The following PEX11G variants were observed in gnomAD, a reference collection of about 807,000 sequenced individuals.
PEX11G encodes the protein peroxisomal biogenesis factor 11 gamma, also known as peroxisomal membrane protein 11C.
PEX11G carries 20 observed loss-of-function variants against 22.5 expected under a neutral mutation model. The ratio of observed to expected loss-of-function variants is 0.89; its 90% CI spans 0.62 to 1.29. PEX11G has a LOEUF of 1.29. Among genes scored for constraint, PEX11G ranks in the 50% most tolerant of loss-of-function variants. PEX11G has a pLI of 0.00. For synonymous variants in PEX11G, 141 were observed against 154.5 expected (o/e 0.91, Z 0.65); for missense variants, 347 against 331.3 (o/e 1.05, Z -0.37).
At position 7,477,239 on chromosome 19, in the gene PEX11G, G is replaced by C; in HGVS notation, c.689C>G (p.Ala230Gly). ...GGCCTCGGCCTGGCCGCCGGCCCGG[G>C]CCGCCTGGTACATGCTGAGGATTGA... ...ISSILSMYQAARAGGQAEATT... is the reference protein window; with the variant it reads ...ISSILSMYQAGRAGGQAEATT... Residue 230 changes from alanine to glycine, a missense_variant, in exon 5 of 5, where the codon GCC (alanine) becomes GGC (glycine). Physicochemically the swap from Ala to Gly is moderately conservative, Grantham distance 60 (BLOSUM62 0). Coordinates refer to ENST00000221480, the MANE Select transcript of PEX11G (RefSeq NM_080662.4). 5.2e-6 allele frequency: 8 copies of C among 1,548,210 alleles called. No individual in the cohort carries two copies. Among genetic ancestry groups the C allele is most frequent in the Non-Finnish European group, 6.9e-6 (8 of 1,151,722 alleles).
At chr19:7,486,361 A>T (rs2021657376) in intron 1 of PEX11G, among the ~76,000 whole-genome samples, 2 of 152,054 alleles carry the variant, frequency 1.3e-5, no homozygotes, top group Admixed American at 1.3e-4. Context: ...TCATAACCTC[A>T]GTGATCCACC....
At position 7,482,061 on chromosome 19, in the gene PEX11G, C is replaced by A. The variant is rs758056275; in HGVS notation, c.400G>T (p.Ala134Ser). 1.2e-6 allele frequency: 2 copies of A among 1,604,692 alleles called. No homozygotes were observed. Among genetic ancestry groups the A allele is most frequent in the South Asian group, 1.1e-5 (1 of 89,350 alleles). Reference sequence around the variant, plus strand: ...GCAACCCCCAGGAGCAGAGAGAGGGCCCACAGGGTTGTACTCAGCGTCCAC... The same window carrying A: ...GCAACCCCCAGGAGCAGAGAGAGGGACCACAGGGTTGTACTCAGCGTCCAC... ...RWWTLSTTLW[A>S]LSLLLGVARS... Residue 134 changes from alanine to serine, a missense_variant, in exon 3 of 5, where the codon GCC (alanine) becomes TCC (serine). Ala to Ser is a moderately conservative substitution (Grantham distance 99). Transcript: ENST00000221480.
intron 2 of PEX11G, among the ~76,000 whole-genome samples, chr19:7,485,378 C>T (rs144534269): frequency 0.018 from 2,743 of 151,200 alleles, 84 homozygotes; most frequent in African/African-American, 0.064. Flanking sequence ...TTTTTTTAGA[C>T]GGAGTCTCGC....
At chr19:7,487,546 C>T (rs1438422005) in intron 1 of PEX11G, among the ~76,000 whole-genome samples, 1 of 152,138 alleles carries the variant, frequency 6.6e-6, no homozygotes, top group Non-Finnish European at 1.5e-5. Flanking sequence ...CCTCAGCCTT[C>T]CAAGTAGCTG....
chr19:7,489,283 A>T, upstream of PEX11G: 2 of 1,235,538 alleles, frequency 1.6e-6, no homozygotes, highest in Non-Finnish European at 2.0e-6. Context: ...CGCACAAAAA[A>T]ATATATTTCT....
Position 7,478,329 on chromosome 19 carries a change from G to C in PEX11G, c.476C>G (p.Thr159Arg). The C allele has an allele frequency of 6.2e-7, 1 of 1,611,022 alleles. No homozygotes were observed. Among genetic ancestry groups the C allele is most frequent in the Non-Finnish European group, 8.5e-7 (1 of 1,179,534 alleles). ...GGGCTCCTACCTGGTGAAGGGCGCCGTGGGGCTCCGCAGCCTCTGTCTCAG... is the reference window on the plus strand; with the variant it reads ...GGGCTCCTACCTGGTGAAGGGCGCCCTGGGGCTCCGCAGCCTCTGTCTCAG... ...LKLRQRLRSPTAPFTSPLPRG... is the reference protein window; with the variant it reads ...LKLRQRLRSPRAPFTSPLPRG... The change falls in exon 4 of 5, where the codon ACG (threonine) becomes AGG (arginine). Residue 159 changes from threonine (T) to arginine (R), a missense_variant. Physicochemically the swap from Thr to Arg is moderately conservative, Grantham distance 71. Transcript: ENST00000221480.
rs138259370 is a variant in PEX11G, at chr19:7,478,329, G to A, written c.476C>T (p.Thr159Met). The A allele has an allele frequency of 1.4e-4, 228 of 1,611,022 alleles. No homozygotes were observed. Among genetic ancestry groups the A allele is most frequent in the African/African-American group, 5.6e-4 (42 of 75,022 alleles). The part of the protein sequence containing the change: ...LKLRQRLRSP[T>M]APFTSPLPRG... ...GGGCTCCTACCTGGTGAAGGGCGCC[G>A]TGGGGCTCCGCAGCCTCTGTCTCAG... The change falls in exon 4 of 5, where the codon ACG (threonine) becomes ATG (methionine). Residue 159 changes from threonine (T) to methionine (M), a missense_variant. By Grantham distance (81) the Thr-to-Met change is moderately conservative. Transcript: ENST00000221480.
intron 2 of PEX11G, among the ~76,000 whole-genome samples, chr19:7,483,097 C>CTT (rs1977578852): frequency 4.0e-5 from 6 of 150,428 alleles, no homozygotes; most frequent in Non-Finnish European, 5.9e-5. Context: ...TGGGACCCCG[C>CTT]CCACCGTGAC....
At chr19:7,479,746 G>C (rs1363888406) in intron 3 of PEX11G, among the ~76,000 whole-genome samples, 1 of 152,224 alleles carries the variant, frequency 6.6e-6, no homozygotes. Context: ...TTCTGCAAGG[G>C]GGGACACGTG....
intron 3 of PEX11G, among the ~76,000 whole-genome samples, chr19:7,478,592 C>T (rs1216177778): frequency 6.6e-6 from 1 of 152,246 alleles, no homozygotes; most frequent in Non-Finnish European, 1.5e-5. Context: ...GGACATCGTC[C>T]TGCACTTCTG....
At chr19:7,490,500 T>C (rs1254754156), upstream of PEX11G, among the ~76,000 whole-genome samples, 4 of 149,754 alleles carry the variant, frequency 2.7e-5, no homozygotes, top group Non-Finnish European at 4.5e-5. Context: ...ATTTTTTTTT[T>C]TTTTTTTTTT....
chr19:7,483,492 C>T (rs1214510214), intron 2 of PEX11G, among the ~76,000 whole-genome samples: 1 of 152,180 alleles, frequency 6.6e-6, no homozygotes, highest in Non-Finnish European at 1.5e-5. Context: ...GGCTCTTGTT[C>T]TGGCCAAGGG....
chr19:7,482,230 A>AG lies in PEX11G; in HGVS notation c.250-20dup. ...CCTCCTCCTGCAGGACCAGGAGCAG[A>AG]GGGGGCCTAGGGTCAGACTTACCCA... On this transcript the variant is annotated intron_variant, in intron 2 of 4. Coordinates refer to ENST00000221480, the MANE Select transcript of PEX11G (RefSeq NM_080662.4). The AG allele has an allele frequency of 6.5e-7, 1 of 1,542,944 alleles. No individual in the cohort carries two copies. The highest frequency in any genetic ancestry group is 8.7e-7 in the Non-Finnish European group (1 of 1,145,838).
intron 4 of PEX11G, 126 bp downstream of exon 4, chr19:7,478,188 G>A: frequency 9.9e-7 from 1 of 1,006,158 alleles, no homozygotes; most frequent in Non-Finnish European, 1.5e-6. Flanking sequence ...CAGAGGCTGT[G>A]ATGACTCCCC....
chr19:7,482,323 CGT>C (rs1977534748), intron 2 of PEX11G, 112 bp from the exon 3 acceptor site: 1 of 1,262,334 alleles, frequency 7.9e-7, no homozygotes, highest in Non-Finnish European at 1.1e-6. Context: ...GTCCCTGGGC[CGT>C]GTCCAGGCCT....
Position 7,489,021 on chromosome 19 carries a change from T to C in PEX11G, c.-11A>G, listed in dbSNP as rs780873899. The C allele has an allele frequency of 6.6e-7, 1 of 1,515,234 alleles. No individual in the cohort carries two copies. Among genetic ancestry groups the C allele is most frequent in the South Asian group, 1.2e-5 (1 of 81,540 alleles). The allele number at this position is 1,515,234 out of a possible 1,614,324, so 93.9% of individuals were successfully genotyped here. On this transcript the variant is annotated 5_prime_UTR_variant, in exon 1 of 5. Coordinates refer to ENST00000221480, the MANE Select transcript of PEX11G (RefSeq NM_080662.4). ...GCTCAGCGACGCCATGGCAACTCCGTGACGTCACCGCGACGTCGGCGCGCC... is the reference window on the plus strand; with the variant it reads ...GCTCAGCGACGCCATGGCAACTCCGCGACGTCACCGCGACGTCGGCGCGCC...
chr19:7,485,764 G>T, intron 2 of PEX11G, 74 bp downstream of exon 2: 1 of 1,389,668 alleles, frequency 7.2e-7, no homozygotes, highest in Non-Finnish European at 9.7e-7. Context: ...CCACTGTGAG[G>T]GGCCAAAAAA....
At chr19:7,489,690 T>G (rs2021831878), upstream of PEX11G, among the ~76,000 whole-genome samples, 1 of 152,110 alleles carries the variant, frequency 6.6e-6, no homozygotes, top group African/African-American at 2.4e-5. Flanking sequence ...AGGATTATTT[T>G]GAGCTGAGAT....
intron 1 of PEX11G, among the ~76,000 whole-genome samples, chr19:7,487,860 G>A (rs544803165): frequency 6.6e-6 from 1 of 152,226 alleles, no homozygotes; most frequent in Non-Finnish European, 1.5e-5. Context: ...GGGGAGATTT[G>A]TTAACCCACC....
Sources: gnomAD v4.1 joint callset for allele counts (sites outside exome capture counted in the v4.1 genomes callset) on GRCh38, gnomAD v4.1.1 for gene constraint, MANE v1.5 for transcripts, NCBI Gene and HGNC (gene_info 2026-07-23, HGNC 2026-07-21) for gene names.